Variants in AFF2 observed in about 807,000 individuals in gnomAD.
The protein encoded by AFF2 is ALF transcription elongation factor 2.
AFF2 carries 14 observed loss-of-function variants against 76.9 expected under a neutral mutation model. That is an observed-to-expected ratio of 0.18 (90% CI 0.12 to 0.28). The LOEUF (loss-of-function observed/expected upper bound fraction) is 0.28. AFF2 is among the 10% of genes least tolerant of loss of function. The probability of loss-of-function intolerance (pLI) is 1.00; values close to 1 mark genes in which losing one functional copy is unlikely to be tolerated. For synonymous variants in AFF2, 398 were observed against 366.7 expected (o/e 1.09, Z -0.98); for missense variants, 868 against 1,001.1 (o/e 0.87, Z 1.79).
intron 1 of AFF2, among the ~76,000 whole-genome samples, chrX:148,622,144 G>A (rs1364900843): frequency 8.9e-6 from 1 of 112,144 alleles, no homozygotes; most frequent in Non-Finnish European, 1.9e-5. Flanking sequence ...CAGCAGTTGA[G>A]GCAGCCCTTT....
At chrX:148,847,401 T>C (rs782501266) in intron 7 of AFF2, among the ~76,000 whole-genome samples, 1 of 111,851 alleles carries the variant, frequency 8.9e-6, no homozygotes, top group South Asian at 3.8e-4. Flanking sequence ...TAAAACTTGG[T>C]TGTTAGCATT....
At chrX:148,727,842 C>T (rs1190924997) in intron 3 of AFF2, among the ~76,000 whole-genome samples, 2 of 111,748 alleles carry the variant, frequency 1.8e-5, no homozygotes, top group East Asian at 2.8e-4. Flanking sequence ...TCTTTATAGC[C>T]TTATAGTGTC....
chrX:148,698,803 T>C (rs1206847312), intron 3 of AFF2, among the ~76,000 whole-genome samples: 1 of 106,690 alleles, frequency 9.4e-6, no homozygotes, highest in Non-Finnish European at 1.9e-5. Flanking sequence ...TAGTGTTTTT[T>C]TTTTTTTTTT....
chrX:148,938,977 T>C (rs1261477456), intron 9 of AFF2, among the ~76,000 whole-genome samples: 1 of 111,311 alleles, frequency 9.0e-6, no homozygotes, highest in Non-Finnish European at 1.9e-5. Flanking sequence ...GACTTTCCAG[T>C]CATTTTATAA....
At chrX:148,532,445 A>G (rs970268583) in intron 1 of AFF2, among the ~76,000 whole-genome samples, 8 of 112,324 alleles carry the variant, frequency 7.1e-5, no homozygotes, top group African/African-American at 2.3e-4. Flanking sequence ...TTATTTAACC[A>G]TATGCACCAC....
intron 20 of AFF2, among the ~76,000 whole-genome samples, chrX:148,988,793 G>C: frequency 8.9e-6 from 1 of 112,061 alleles, no homozygotes; most frequent in African/African-American, 3.2e-5. Flanking sequence ...TGGTTCCACA[G>C]GTTTGTGCAG....
rs782406604 is a variant in AFF2, at chrX:148,956,304, C to T, written c.2259C>T (p.Ser753=). Residue 753 remains serine, a synonymous_variant, in exon 11 of 21, where the codon AGC becomes AGT. Coordinates refer to ENST00000370460, the MANE Select transcript of AFF2 (RefSeq NM_002025.4). ...AATCCAAGGAAATCTGTGGTGCCAG[C>T]CTGACCCTCAGCACCTTAATGAGTA... is the stretch of plus-strand genomic sequence containing the variant. ...TAKSKEICGA[S]LTLSTLMSSS... 29 of 1,211,844 alleles carry T rather than the reference C, an allele frequency of 2.4e-5. No individual in the cohort carries two copies. The highest frequency in any genetic ancestry group is 3.2e-5 in the Non-Finnish European group (29 of 895,428).
intron 1 of AFF2, among the ~76,000 whole-genome samples, chrX:148,597,944 T>C (rs1200440416): frequency 2.7e-5 from 3 of 112,505 alleles, no homozygotes; most frequent in Non-Finnish European, 5.6e-5. Context: ...AGTGACAACA[T>C]TAATGCGTAC....
chrX:148,665,741 C>A (rs782714633), intron 3 of AFF2, among the ~76,000 whole-genome samples: 2 of 111,868 alleles, frequency 1.8e-5, no homozygotes, highest in African/African-American at 6.5e-5. Context: ...TTTTCAAAAG[C>A]ACTTAGCATT....
At chrX:148,857,112 C>T (rs782590424) in intron 7 of AFF2, among the ~76,000 whole-genome samples, 1 of 111,820 alleles carries the variant, frequency 8.9e-6, no homozygotes, top group East Asian at 2.8e-4. Context: ...AATGGAATCT[C>T]AGAAGACACA....
chrX:148,968,648 A>G (rs2072210442), intron 15 of AFF2, among the ~76,000 whole-genome samples: 1 of 112,341 alleles, frequency 8.9e-6, no homozygotes, highest in Admixed American at 9.4e-5. Context: ...TGTGTAGCCA[A>G]CATCAACTGT....
chrX:148,638,820 C>T (rs1242053474), intron 1 of AFF2, among the ~76,000 whole-genome samples: 2 of 111,606 alleles, frequency 1.8e-5, no homozygotes, highest in African/African-American at 6.5e-5. Flanking sequence ...CTAAGTACCT[C>T]GTGAGATTTG....
rs949957137 is a variant in AFF2, at chrX:148,994,176, C to A, written c.*2844C>A. 4.5e-5 allele frequency: 5 copies of A among 111,757 alleles called. No individual in the cohort carries two copies. The highest frequency in any genetic ancestry group is 9.4e-5 in the Non-Finnish European group (5 of 53,141). The allele number at this position is 111,757 out of a possible 1,213,427, so 9.2% of individuals were successfully genotyped here. The stretch of plus-strand genomic sequence containing the variant: ...CATCTGAGCAAGTACACCAAATGAT[C>A]TCAGCCCTGCAACTTGACCCAGGTA... On this transcript the variant is annotated 3_prime_UTR_variant, in exon 21 of 21. Coordinates refer to ENST00000370460, the MANE Select transcript of AFF2 (RefSeq NM_002025.4).
At position 148,528,683 on chromosome X, in the gene AFF2, A is replaced by C. The variant is rs948086003; in HGVS notation, c.47+27539A>C. 2.7e-5 allele frequency among the ~76,000 whole-genome samples: 3 copies of C among 111,566 alleles called. No individual in the cohort carries two copies. The South Asian group carries it at 1.1e-3, about 41-fold the overall frequency. ...ATTTTGGATTCATTTCAGTTCATTA[A>C]TTTTTTTCATAAGCACTATAATACT... is the stretch of plus-strand genomic sequence containing the variant. On this transcript the variant is annotated intron_variant, in intron 1 of 20. Transcript: ENST00000370460.
chrX:148,837,724 C>T lies in AFF2; in HGVS notation c.1164C>T (p.Ile388=), dbSNP rs782641383. The part of the protein sequence containing the change: ...AGHSEQSTFS[I]PGQESQHLTP... ...ACTCTGAGCAGAGCACCTTTTCCAT[C>T]CCAGGACAGGTCAGTTCTCTTCCTT... is the stretch of plus-strand genomic sequence containing the variant. Residue 388 remains isoleucine, a synonymous_variant, in exon 5 of 21, where the codon ATC becomes ATT. Coordinates refer to ENST00000370460, the MANE Select transcript of AFF2 (RefSeq NM_002025.4). The T allele has an allele frequency of 1.7e-6, 2 of 1,176,441 alleles. No individual in the cohort carries two copies. The highest frequency in any genetic ancestry group is 2.3e-6 in the Non-Finnish European group (2 of 864,803).
At chrX:148,503,916 A>G (rs1431767387) in intron 1 of AFF2, among the ~76,000 whole-genome samples, 2 of 112,121 alleles carry the variant, frequency 1.8e-5, no homozygotes, top group Non-Finnish European at 3.8e-5. Context: ...TGGATGAATG[A>G]GCAATGTTCA....
At chrX:148,719,834 T>C (rs2055070310) in intron 3 of AFF2, among the ~76,000 whole-genome samples, 1 of 111,302 alleles carries the variant, frequency 9.0e-6, no homozygotes, top group Non-Finnish European at 1.9e-5. Flanking sequence ...AAACTTAGCA[T>C]ATGGAGGGGC....
intron 7 of AFF2, among the ~76,000 whole-genome samples, chrX:148,865,431 A>C (rs1557276770): frequency 1.8e-5 from 2 of 112,307 alleles, no homozygotes; most frequent in Admixed American, 1.9e-4. Context: ...TGCAAGTCAC[A>C]AGGTTCTTGT....
At chrX:148,717,450 G>T (rs1045840024) in intron 3 of AFF2, among the ~76,000 whole-genome samples, 1 of 111,916 alleles carries the variant, frequency 8.9e-6, no homozygotes, top group East Asian at 2.8e-4. Context: ...CTCCTTTTCG[G>T]GTGATGAAAA....
Sources: allele counts gnomAD v4.1 joint callset (sites outside exome capture counted in the v4.1 genomes callset), GRCh38; gene constraint gnomAD v4.1.1; transcripts MANE v1.5; gene names NCBI Gene and HGNC (gene_info 2026-07-23, HGNC 2026-07-21).